RAVER2: variants seen among roughly 807,000 people sequenced by gnomAD.
RAVER2 encodes the protein ribonucleoprotein, PTB binding 2, also known as ribonucleoprotein PTB-binding 2.
RAVER2 carries 46 observed loss-of-function variants against 78.1 expected under a neutral mutation model. That is an observed-to-expected ratio of 0.59 (90% CI 0.46 to 0.75). The LOEUF is 0.75. RAVER2 is among the 30% of genes least tolerant of loss of function. The pLI is 0.00. For missense variants in RAVER2, 793 were observed against 837.5 expected, an observed-to-expected ratio of 0.95 and a Z score of 0.66; for synonymous variants, 311 against 313.3, an observed-to-expected ratio of 0.99 and a Z score of 0.08.
intron 2 of RAVER2, among the ~76,000 whole-genome samples, chr1:64,773,761 A>C (rs2991270): frequency 0.62 from 93,802 of 152,178 alleles, 31,816 homozygotes; most frequent in East Asian, 0.92. Context: ...GCCACACTGT[A>C]TTCCACAGTG....
At chr1:64,793,772 T>C (rs942963937) in intron 5 of RAVER2, among the ~76,000 whole-genome samples, 1 of 152,186 alleles carries the variant, frequency 6.6e-6, no homozygotes, top group African/African-American at 2.4e-5. Flanking sequence ...GTCACTACAG[T>C]TTGTATTTTC....
rs150186036 is a variant in RAVER2, at chr1:64,780,378, A to G, written c.787-1002A>G. 5.3e-5 allele frequency among the ~76,000 whole-genome samples: 8 copies of G among 152,322 alleles called. No homozygotes were observed. In the East Asian group the frequency reaches 1.5e-3, roughly 29 times the overall value. ...GAAAAAGCTTTGTGGAGGAAAAGAT[A>G]TTTGTTGACAGTTTTTAAAGGAAGA... On this transcript the variant is annotated intron_variant, in intron 3 of 11. Coordinates refer to ENST00000294428, the Ensembl canonical transcript of RAVER2.
chr1:64,819,391 A>G (rs113433162), intron 11 of RAVER2, among the ~76,000 whole-genome samples: 8 of 152,054 alleles, frequency 5.3e-5, no homozygotes, highest in Non-Finnish European at 1.2e-4. Flanking sequence ...AGAGGCCAGA[A>G]AAAAAAAGGT....
At chr1:64,747,199 C>T (rs1412311716) in intron 1 of RAVER2, among the ~76,000 whole-genome samples, 2 of 152,168 alleles carry the variant, frequency 1.3e-5, no homozygotes, top group Non-Finnish European at 2.9e-5. Context: ...TCTACTTAAA[C>T]TAATATTTTC....
intron 4 of RAVER2, among the ~76,000 whole-genome samples, chr1:64,787,449 C>T (rs1652812446): frequency 6.6e-6 from 1 of 152,142 alleles, no homozygotes; most frequent in African/African-American, 2.4e-5. Flanking sequence ...TAGGCTTGAG[C>T]CCAGCCCTTT....
chr1:64,771,978 T>C (rs1652332634), intron 2 of RAVER2, among the ~76,000 whole-genome samples: 1 of 152,100 alleles, frequency 6.6e-6, no homozygotes, highest in African/African-American at 2.4e-5. Flanking sequence ...GGAAAAAGTT[T>C]TGGCACATGC....
chr1:64,749,774 T>G (rs940308809), intron 1 of RAVER2, among the ~76,000 whole-genome samples: 17 of 152,234 alleles, frequency 1.1e-4, no homozygotes, highest in African/African-American at 4.1e-4. Context: ...TTTGATTGGT[T>G]GAGGTAATGT....
At chr1:64,806,000 T>C (rs1248561134) in intron 8 of RAVER2, among the ~76,000 whole-genome samples, 1 of 152,204 alleles carries the variant, frequency 6.6e-6, no homozygotes, top group African/African-American at 2.4e-5. Context: ...GAAAAGTCAG[T>C]GTCCAAATAA....
chr1:64,775,468 G>A (rs1652434316), intron 2 of RAVER2, among the ~76,000 whole-genome samples: 1 of 152,284 alleles, frequency 6.6e-6, no homozygotes, highest in Middle Eastern at 3.4e-3. Context: ...TTGGAATCTG[G>A]CACATGATAC....
chr1:64,766,220 G>T (rs1004395480), intron 1 of RAVER2, among the ~76,000 whole-genome samples: 1 of 152,150 alleles, frequency 6.6e-6, no homozygotes, highest in Non-Finnish European at 1.5e-5. Context: ...TTCATCAAAG[G>T]TGCTACTTTA....
At chr1:64,795,844 G>C (rs750894996) in intron 5 of RAVER2, among the ~76,000 whole-genome samples, 1 of 151,878 alleles carries the variant, frequency 6.6e-6, no homozygotes, top group Non-Finnish European at 1.5e-5. Flanking sequence ...CATAGAACTG[G>C]TGAGAGCAGA....
At chr1:64,755,620 C>T (rs1651830037) in intron 1 of RAVER2, among the ~76,000 whole-genome samples, 1 of 151,064 alleles carries the variant, frequency 6.6e-6, no homozygotes, top group Non-Finnish European at 1.5e-5. Context: ...TAGTTCCTGG[C>T]TTGCCTTTAT....
chr1:64,821,586 G>T (rs1283550425), intron 11 of RAVER2, among the ~76,000 whole-genome samples: 1 of 152,106 alleles, frequency 6.6e-6, no homozygotes, highest in Admixed American at 6.5e-5. Flanking sequence ...ATAGACCAAT[G>T]GAACAGAATA....
chr1:64,752,569 A>G (rs1250663240), intron 1 of RAVER2, among the ~76,000 whole-genome samples: 1 of 151,978 alleles, frequency 6.6e-6, no homozygotes, highest in African/African-American at 2.4e-5. Context: ...GCCTGTCCTA[A>G]TTACACCCAG....
At chr1:64,777,847 C>A (rs774986737) in exon 3 of RAVER2, 1 of 1,614,064 alleles carries the variant, frequency 6.2e-7, no homozygotes, top group Admixed American at 1.7e-5. Context: ...AGTTACTGGC[C>A]ATTCCAAAGG....
chr1:64,816,637 C>T (rs550119026), intron 11 of RAVER2: 2 of 152,288 alleles, frequency 1.3e-5, no homozygotes, highest in Admixed American at 1.3e-4. Flanking sequence ...TTGCTATATG[C>T]TTTGTGACAT....
intron 4 of RAVER2, among the ~76,000 whole-genome samples, chr1:64,787,941 C>T (rs763146439): frequency 1.3e-5 from 2 of 152,166 alleles, no homozygotes; most frequent in Non-Finnish European, 2.9e-5. Flanking sequence ...CTCTCAATTT[C>T]GCAGTATGTG....
At chr1:64,760,102 G>A (rs1487286397) in intron 1 of RAVER2, among the ~76,000 whole-genome samples, 1 of 142,924 alleles carries the variant, frequency 7.0e-6, no homozygotes, top group Non-Finnish European at 1.5e-5. Context: ...GGGTTGTGAT[G>A]TGGAAAAAAA....
chr1:64,759,018 C>G (rs1164912309), intron 1 of RAVER2, among the ~76,000 whole-genome samples: 1 of 151,648 alleles, frequency 6.6e-6, no homozygotes, highest in South Asian at 2.1e-4. Flanking sequence ...TTAAAGCCCT[C>G]TTTCTTGGGA....
Sources: allele counts gnomAD v4.1 joint callset (sites outside exome capture counted in the v4.1 genomes callset), GRCh38; gene constraint gnomAD v4.1.1; transcripts MANE v1.5; gene names NCBI Gene and HGNC (gene_info 2026-07-23, HGNC 2026-07-21).